The following NDUFS1 variants were observed in gnomAD, a reference collection of about 807,000 sequenced individuals.
NDUFS1 encodes the protein NADH:ubiquinone oxidoreductase core subunit S1, also known as NADH-ubiquinone oxidoreductase 75 kDa subunit, mitochondrial.
In NDUFS1, 61 loss-of-function variants were observed where a neutral mutation model predicts 84.4. The ratio of observed to expected loss-of-function variants is 0.72; its 90% CI spans 0.59 to 0.89. NDUFS1 has a LOEUF of 0.89. NDUFS1 is among the 40% of genes least tolerant of loss of function. NDUFS1 has a pLI of 0.00. For synonymous variants in NDUFS1, 275 were observed against 290.0 expected, an observed-to-expected ratio of 0.95 and a Z score of 0.53; for missense variants, 891 against 890.0, an observed-to-expected ratio of 1.00 and a Z score of -0.01.
At position 206,120,555 on chromosome 2, in the gene NDUFS1, C is replaced by T. The variant is rs981556329; in HGVS notation, c.*3630G>A. 1 of 152,170 alleles carries T rather than the reference C, an allele frequency of 6.6e-6. No individual in the cohort carries two copies. The highest frequency in any genetic ancestry group is 2.4e-5 in the African/African-American group (1 of 41,406). 9.4% of individuals were successfully genotyped at this position (152,170 alleles called of 1,614,324 possible). A position where few individuals can be genotyped will look rare whatever the true frequency, so the allele number is the denominator to read the frequency against. ...AGCTTGGGTGCATTGTGTCCAGGCC[C>T]TAGGAATCTGTGGAAGTTTGAACTT... On this transcript the variant is annotated 3_prime_UTR_variant, in exon 19 of 19. Transcript: ENST00000233190.
chr2:206,131,313 T>TA (rs368223406), intron 14 of NDUFS1, among the ~76,000 whole-genome samples: 2 of 152,192 alleles, frequency 1.3e-5, no homozygotes, highest in African/African-American at 4.8e-5. Context: ...ACATACATGT[T>TA]AAAAAGAAGA....
chr2:206,158,136 G>C (rs930249521), intron 1 of NDUFS1, among the ~76,000 whole-genome samples: 8 of 151,920 alleles, frequency 5.3e-5, no homozygotes, highest in Non-Finnish European at 1.0e-4. Context: ...CTAATTTTTT[G>C]TATTTTTAGT....
intron 12 of NDUFS1, among the ~76,000 whole-genome samples, chr2:206,140,473 CAAA>C (rs1249931395): frequency 6.6e-6 from 1 of 151,340 alleles, no homozygotes; most frequent in Non-Finnish European, 1.5e-5. Context: ...TCTCAGAAAC[CAAA>C]AAAACTAAAT....
intron 14 of NDUFS1, among the ~76,000 whole-genome samples, chr2:206,132,225 G>T (rs1257266862): frequency 1.3e-5 from 2 of 152,160 alleles, no homozygotes; most frequent in Non-Finnish European, 2.9e-5. Flanking sequence ...ATAAGGATCA[G>T]TTCCATTTCT....
chr2:206,157,581 G>C (rs760877850), intron 1 of NDUFS1, among the ~76,000 whole-genome samples: 2 of 152,160 alleles, frequency 1.3e-5, no homozygotes, highest in Non-Finnish European at 1.5e-5. Context: ...TCAACAATCA[G>C]TATTTCATAC....
chr2:206,138,300 T>C lies in NDUFS1; in HGVS notation c.1392+185A>G, dbSNP rs1203370169. Reference sequence around the variant, plus strand: ...TTCACCGTGTTGCCCAGTCTGGTCTTGAACTCCTGACCTCAGGTGATCCAC... The same window carrying C: ...TTCACCGTGTTGCCCAGTCTGGTCTCGAACTCCTGACCTCAGGTGATCCAC... On this transcript the variant is annotated intron_variant, in intron 13 of 18. Transcript: ENST00000233190. Among the ~76,000 whole-genome samples, 3 of 152,198 alleles carry C rather than the reference T, an allele frequency of 2.0e-5. No individual in the cohort carries two copies. The East Asian group carries it at 5.8e-4, about 29-fold the overall frequency.
chr2:206,124,157 C>G lies in NDUFS1; in HGVS notation c.*28G>C, dbSNP rs201754251. 1 of 1,457,016 alleles carries G rather than the reference C, an allele frequency of 6.9e-7. No individual in the cohort carries two copies. The highest frequency in any genetic ancestry group is 9.6e-7 in the Non-Finnish European group (1 of 1,037,140). The allele number at this position is 1,457,016 out of a possible 1,614,324, so 90.3% of individuals were successfully genotyped here. ...ACTACAGTTGTCCATTAATTATCTG[C>G]GGCAAAACTGGGATCCTAGTAGAAG... On this transcript the variant is annotated 3_prime_UTR_variant, in exon 19 of 19. Transcript: ENST00000233190.
rs1692414231 is a variant in NDUFS1, at chr2:206,152,593, A to C, written c.62-83T>G. ...TAATGGATGAATTGACTCTAACTAC[A>C]AACCTAAAATTTTTCATTCCTTATT... On this transcript the variant is annotated intron_variant, in intron 2 of 18. Transcript: ENST00000233190. 3 of 1,223,502 alleles carry C rather than the reference A, an allele frequency of 2.5e-6. No individual in the cohort carries two copies. In the Admixed American group the frequency reaches 5.2e-5, roughly 21 times the overall value. 75.8% of individuals were successfully genotyped at this position (1,223,502 alleles called of 1,614,324 possible).
chr2:206,118,587 T>C lies in NDUFS1; in HGVS notation c.*5598A>G, dbSNP rs1691014714. ...GTTGCAGTGTGCTGAGATCATGCCA[T>C]GCATTGCACTCCAGTCTGGGTAACA... On this transcript the variant is annotated 3_prime_UTR_variant, in exon 19 of 19. Coordinates refer to ENST00000233190, the MANE Select transcript of NDUFS1 (RefSeq NM_005006.7). The C allele has an allele frequency of 6.6e-6, 1 of 151,492 alleles. No homozygotes were observed. The highest frequency in any genetic ancestry group is 1.5e-5 in the Non-Finnish European group (1 of 67,876). The allele number at this position is 151,492 out of a possible 1,614,324, so 9.4% of individuals were successfully genotyped here.
chr2:206,140,113 G>A (rs1339642038), intron 12 of NDUFS1, among the ~76,000 whole-genome samples: 2 of 152,134 alleles, frequency 1.3e-5, no homozygotes, highest in East Asian at 1.9e-4. Context: ...CAGAGGCCAA[G>A]GCAGGAGGAA....
Position 206,143,190 on chromosome 2 carries a change from T to C in NDUFS1, c.988-359A>G, listed in dbSNP as rs568441338. 3.3e-5 allele frequency among the ~76,000 whole-genome samples: 5 copies of C among 152,314 alleles called. No individual in the cohort carries two copies. In the East Asian group the frequency reaches 9.6e-4, roughly 29 times the overall value. Reference sequence around the variant, plus strand: ...CTGCTTGAACCAAGGAGGCAGAGGCTGCAGTGACCCGAGATCGAGATCGCG... The same window carrying C: ...CTGCTTGAACCAAGGAGGCAGAGGCCGCAGTGACCCGAGATCGAGATCGCG... On this transcript the variant is annotated intron_variant, in intron 10 of 18. Coordinates refer to ENST00000233190, the MANE Select transcript of NDUFS1 (RefSeq NM_005006.7).
In NDUFS1 at chr2:206,143,998, CT is replaced by C. The variant is rs1692063468; in HGVS notation, c.987+19del. 2 of 1,551,700 alleles carry C rather than the reference CT, an allele frequency of 1.3e-6. No individual in the cohort carries two copies. Among genetic ancestry groups the C allele is most frequent in the Non-Finnish European group, 1.8e-6 (2 of 1,123,786 alleles). Reference sequence around the variant, plus strand: ...TGATAATCACAAACACTATTTAACACTATTTATTTCAAATTTTACCATTCCA... The same window carrying C: ...TGATAATCACAAACACTATTTAACACATTTATTTCAAATTTTACCATTCCA... On this transcript the variant is annotated intron_variant, in intron 10 of 18. Transcript: ENST00000233190.
At chr2:206,133,740 G>A (rs1691601345) in intron 13 of NDUFS1, among the ~76,000 whole-genome samples, 1 of 152,240 alleles carries the variant, frequency 6.6e-6, no homozygotes, top group African/African-American at 2.4e-5. Flanking sequence ...CACTTTGGGA[G>A]GCTGAGGTGG....
intron 14 of NDUFS1, 89 bp from the exon 15 acceptor site, chr2:206,130,331 A>C: frequency 1.4e-6 from 2 of 1,473,408 alleles, no homozygotes; most frequent in Non-Finnish European, 1.9e-6. Context: ...TCCTTTCAAC[A>C]ATGTCAAAAA....
chr2:206,139,472 C>A (rs539058329), intron 12 of NDUFS1, among the ~76,000 whole-genome samples: 1 of 152,230 alleles, frequency 6.6e-6, no homozygotes, highest in South Asian at 2.1e-4. Flanking sequence ...TAAGCATGAG[C>A]CACTGTGCCC....
At chr2:206,155,560 G>C (rs1687615944) in intron 1 of NDUFS1, among the ~76,000 whole-genome samples, 1 of 152,138 alleles carries the variant, frequency 6.6e-6, no homozygotes, top group Non-Finnish European at 1.5e-5. Flanking sequence ...TGGGATTACA[G>C]GCGCCCATCA....
chr2:206,141,465 G>A (rs1405729277), intron 12 of NDUFS1, among the ~76,000 whole-genome samples: 6 of 151,916 alleles, frequency 3.9e-5, no homozygotes, highest in African/African-American at 1.4e-4. Flanking sequence ...CCGGGAGGCG[G>A]AGCTTGAAGT....
chr2:206,149,957 AAGC>A, intron 3 of NDUFS1, 32 bp from the exon 4 acceptor site: 1 of 1,235,400 alleles, frequency 8.1e-7, no homozygotes, highest in Non-Finnish European at 1.2e-6. Flanking sequence ...AAAAAAAAAA[AAGC>A]ATTAGAATAA....
intron 1 of NDUFS1, 146 bp downstream of exon 1, chr2:206,159,195 A>C: frequency 6.6e-7 from 1 of 1,520,360 alleles, no homozygotes; most frequent in Non-Finnish European, 8.8e-7. Flanking sequence ...GCCGGCTCTC[A>C]GGGGCTTCCG....
Sources: allele counts gnomAD v4.1 joint callset (sites outside exome capture counted in the v4.1 genomes callset), GRCh38; gene constraint gnomAD v4.1.1; transcripts MANE v1.5; gene names NCBI Gene and HGNC (gene_info 2026-07-23, HGNC 2026-07-21).